NPHP3: variants seen among roughly 807,000 people sequenced by gnomAD.
The protein encoded by NPHP3 is nephrocystin 3.
Under a neutral mutation model 171.9 loss-of-function variants are expected in NPHP3, and 123 were observed. The ratio of observed to expected loss-of-function variants is 0.72; its 90% confidence interval spans 0.62 to 0.83. The LOEUF (loss-of-function observed/expected upper bound fraction) is 0.83. Ranked by LOEUF, NPHP3 falls within the 40% of genes least tolerant of loss-of-function variation. The pLI is 0.00. For missense variants in NPHP3, 1,506 were observed against 1,591.9 expected, an observed-to-expected ratio of 0.95 and a Z score of 0.92; for synonymous variants, 558 against 579.2, an observed-to-expected ratio of 0.96 and a Z score of 0.52.
At position 132,713,283 on chromosome 3, in the gene NPHP3, A is replaced by G. The variant is rs752801926; in HGVS notation, c.961T>C (p.Tyr321His). The change falls in exon 6 of 27, where the codon TAT (tyrosine) becomes CAT (histidine). Residue 321 changes from tyrosine to histidine, a missense_variant. Around this residue, in one of 3 missense-constraint regions of NPHP3, gnomAD observed 930 missense variants for 924.9 expected, o/e 1.01. Coordinates refer to ENST00000337331, the MANE Select transcript of NPHP3 (RefSeq NM_153240.5). ...CACATTCTCTTAAGTTTAGGTGAAT[A>G]GTCCTAAAAACAAATGAAAACATAC... is the stretch of plus-strand genomic sequence containing the variant. ...QPEMDLFLKDYSPKLKRMCET... is the reference protein window; with the variant it reads ...QPEMDLFLKDHSPKLKRMCET... 1 of 1,591,554 alleles carries G rather than the reference A, an allele frequency of 6.3e-7. No homozygotes were observed. The highest frequency in any genetic ancestry group is 8.6e-7 in the Non-Finnish European group (1 of 1,167,326).
At chr3:132,699,037 C>T (rs1223781350) in intron 13 of NPHP3, among the ~76,000 whole-genome samples, 2 of 152,132 alleles carry the variant, frequency 1.3e-5, no homozygotes, top group African/African-American at 4.8e-5. Flanking sequence ...GGATTACAGG[C>T]ATGCGCCACC....
chr3:132,685,004 T>A, intron 23 of NPHP3: 1 of 552,710 alleles, frequency 1.8e-6, no homozygotes, highest in Non-Finnish European at 3.2e-6. Flanking sequence ...AATGTGTGGA[T>A]GATTGCCTCA....
At chr3:132,699,213 C>A (rs530372389) in intron 13 of NPHP3, 140 bp downstream of exon 13, 105 of 638,220 alleles carry the variant, frequency 1.6e-4, no homozygotes, top group Non-Finnish European at 2.6e-4. Flanking sequence ...ATTTTTTTTT[C>A]ATAAATTCAC....
chr3:132,721,592 G>C (rs1023421913), intron 1 of NPHP3: 35 of 375,520 alleles, frequency 9.3e-5, no homozygotes, highest in African/African-American at 6.9e-4. Context: ...TGCCTCCTCA[G>C]GACACTTTCC....
intron 6 of NPHP3, among the ~76,000 whole-genome samples, chr3:132,709,858 G>A (rs1280873265): frequency 6.6e-6 from 1 of 152,168 alleles, no homozygotes; most frequent in African/African-American, 2.4e-5. Context: ...CTCTGGCCAT[G>A]TTCTATCGAA....
chr3:132,697,651 T>C (rs1008589131), intron 13 of NPHP3, among the ~76,000 whole-genome samples: 4 of 152,210 alleles, frequency 2.6e-5, no homozygotes, highest in African/African-American at 4.8e-5. Context: ...ATACTATCAG[T>C]AAAACTAAGC....
chr3:132,720,155 G>T (rs190991184), intron 1 of NPHP3, among the ~76,000 whole-genome samples: 82 of 152,258 alleles, frequency 5.4e-4, no homozygotes, highest in African/African-American at 1.9e-3. Flanking sequence ...CATTTTGTAA[G>T]GCTTAACTTG....
At chr3:132,704,519 G>A in intron 8 of NPHP3, 148 bp from the exon 9 acceptor site, 5 of 609,638 alleles carry the variant, frequency 8.2e-6, no homozygotes, top group Non-Finnish European at 1.4e-5. Context: ...AGAATAAACT[G>A]ATAACTACAA....
intron 1 of NPHP3, 104 bp downstream of exon 1, chr3:132,721,859 T>C (rs1181105689): frequency 7.4e-6 from 10 of 1,345,262 alleles, no homozygotes; most frequent in South Asian, 1.2e-5. Flanking sequence ...CAAATTAAAA[T>C]GGGCAGTTTC....
rs1047829464 is a variant in NPHP3, at chr3:132,690,905, A to G, written c.2571-255T>C. ...ATTGAACTATTTAAAAAAACACTCA[A>G]TGGACCCGTATATACACATACAGAT... On this transcript the variant is annotated intron_variant, in intron 18 of 26. Transcript: ENST00000337331. Among the ~76,000 whole-genome samples the G allele has an allele frequency of 6.3e-4, 96 of 152,190 alleles. 1 individual carries two copies. Among genetic ancestry groups the G allele is most frequent in the Admixed American group, 6.0e-3 (92 of 15,278 alleles).
chr3:132,699,675 T>C (rs111585838), intron 12 of NPHP3, among the ~76,000 whole-genome samples: 3 of 152,282 alleles, frequency 2.0e-5, no homozygotes, highest in African/African-American at 7.2e-5. Context: ...GCCCTAAAAA[T>C]ATGTCAGAAC....
chr3:132,721,721 A>C (rs973763571), intron 1 of NPHP3: 1 of 689,120 alleles, frequency 1.5e-6, no homozygotes. Flanking sequence ...AGGATCATTG[A>C]GCCCAGGAGT....
chr3:132,709,582 C>A (rs1939855307), intron 6 of NPHP3, among the ~76,000 whole-genome samples: 1 of 152,082 alleles, frequency 6.6e-6, no homozygotes, highest in Non-Finnish European at 1.5e-5. Context: ...TGAGTGCAGC[C>A]CACATCTACT....
At chr3:132,701,982 T>C (rs112807449) in intron 9 of NPHP3, among the ~76,000 whole-genome samples, 5,788 of 152,142 alleles carry the variant, frequency 0.038, 207 homozygotes, top group East Asian at 0.11. Flanking sequence ...GCCGAGACAG[T>C]GCCACCGCAC....
intron 24 of NPHP3, 65 bp from the exon 25 acceptor site, chr3:132,683,589 T>C (rs755384750): frequency 5.2e-6 from 7 of 1,344,992 alleles, no homozygotes; most frequent in Non-Finnish European, 6.2e-6. Flanking sequence ...TCAGAGCTTT[T>C]TCCATAAGTA....
At chr3:132,709,340 T>C (rs1052160606) in intron 6 of NPHP3, among the ~76,000 whole-genome samples, 1 of 129,980 alleles carries the variant, frequency 7.7e-6, no homozygotes, top group African/African-American at 2.9e-5. Context: ...TGGTGTGCAG[T>C]GGTGCAATCA....
At chr3:132,687,964 T>C (rs1939204181) in intron 21 of NPHP3, among the ~76,000 whole-genome samples, 1 of 152,290 alleles carries the variant, frequency 6.6e-6, no homozygotes, top group East Asian at 1.9e-4. Flanking sequence ...TGAAAAAAAT[T>C]TGGCTGTGTT....
chr3:132,687,221 T>C lies in NPHP3; in HGVS notation c.3131A>G (p.Glu1044Gly). ...ATLYQKQNKY[E>G]QAEHFRKKSF... ...TTTTTTCCTAAAATGTTCAGCTTGT[T>C]CATATCTTAAAAAAAAATTACAGTA... Residue 1044 changes from glutamate (E) to glycine (G), a missense_variant, in exon 22 of 27, where the codon GAA (glutamate) becomes GGA (glycine). By Grantham distance (98) the Glu-to-Gly change is moderately conservative. Transcript: ENST00000337331. The C allele has an allele frequency of 1.5e-6, 2 of 1,340,398 alleles. No homozygotes were observed. Among genetic ancestry groups the C allele is most frequent in the South Asian group, 1.2e-5 (1 of 84,702 alleles). The allele number at this position is 1,340,398 out of a possible 1,614,324, so 83.0% of individuals were successfully genotyped here.
intron 17 of NPHP3, 86 bp from the exon 18 acceptor site, chr3:132,691,372 A>G (rs1939295266): frequency 3.4e-6 from 3 of 894,490 alleles, no homozygotes; most frequent in African/African-American, 3.3e-5. Flanking sequence ...AGAATTTATA[A>G]TTATTCCTAT....
Sources: gnomAD v4.1 joint callset for allele counts (sites outside exome capture counted in the v4.1 genomes callset) on GRCh38, gnomAD v4.1.1 for gene constraint, gnomAD v4.1.1 regional missense constraint, MANE v1.5 for transcripts, NCBI Gene and HGNC (gene_info 2026-07-23, HGNC 2026-07-21) for gene names.